Variants in GNG7 observed in about 807,000 individuals in gnomAD.
GNG7 encodes guanine nucleotide-binding protein G(I)/G(S)/G(O) subunit gamma-7.
In GNG7, 1 loss-of-function variant was observed where a neutral mutation model predicts 4.0. The ratio of observed to expected loss-of-function variants is 0.25; its 90% confidence interval spans 0.09 to 1.18. GNG7 has a LOEUF of 1.18. GNG7 is among the 50% of genes most tolerant of loss of function. The pLI, the probability that GNG7 is intolerant of heterozygous loss-of-function variation, is 0.50. For synonymous variants in GNG7, 34 were observed against 36.9 expected, an observed-to-expected ratio of 0.92 and a Z score of 0.29; for missense variants, 86 against 91.9, an observed-to-expected ratio of 0.94 and a Z score of 0.26.
At chr19:2,650,060 T>C (rs2144864819) in intron 1 of GNG7, among the ~76,000 whole-genome samples, 1 of 152,336 alleles carries the variant, frequency 6.6e-6, no homozygotes, top group South Asian at 2.1e-4. Flanking sequence ...GGCTGAGTCT[T>C]ACTCCTCCTG....
chr19:2,568,371 A>C (rs566711333), intron 2 of GNG7, among the ~76,000 whole-genome samples: 1 of 150,942 alleles, frequency 6.6e-6, no homozygotes, highest in Non-Finnish European at 1.5e-5. Flanking sequence ...ACATACACAC[A>C]TATAGACACA....
intron 1 of GNG7, among the ~76,000 whole-genome samples, chr19:2,670,477 C>A (rs546725868): frequency 9.9e-5 from 15 of 152,252 alleles, no homozygotes; most frequent in Non-Finnish European, 1.8e-4. Flanking sequence ...GCCCTGCAGC[C>A]TCCAGACGGT....
intron 2 of GNG7, chr19:2,642,850 C>T (rs1982545659): frequency 2.2e-6 from 1 of 456,744 alleles, no homozygotes; most frequent in South Asian, 1.5e-5. Context: ...CAGGAAGCAC[C>T]GGGAATGCAT....
At chr19:2,536,192 C>T (rs1041356312) in intron 3 of GNG7, among the ~76,000 whole-genome samples, 4 of 151,756 alleles carry the variant, frequency 2.6e-5, no homozygotes, top group South Asian at 2.1e-4. Flanking sequence ...CCGAGGTGGG[C>T]GGATCACGAG....
At chr19:2,620,233 AGGGGAGGGGAGGG>A (rs1981830878) in intron 2 of GNG7, among the ~76,000 whole-genome samples, 2 of 37,768 alleles carry the variant, frequency 5.3e-5, no homozygotes, top group African/African-American at 1.0e-4. Context: ...AGGAGAGGGG[AGGGGAGGGGAGGG>A]GAGGGGAGGG....
intron 2 of GNG7, among the ~76,000 whole-genome samples, chr19:2,571,554 C>G (rs1298354226): frequency 6.8e-6 from 1 of 146,638 alleles, no homozygotes; most frequent in Non-Finnish European, 1.5e-5. Context: ...AAAGAGTTAT[C>G]AGATGTGTGG....
chr19:2,562,119 C>T (rs1263427015), intron 2 of GNG7, among the ~76,000 whole-genome samples: 2 of 152,122 alleles, frequency 1.3e-5, no homozygotes, highest in Non-Finnish European at 2.9e-5. Context: ...GGCAGGCATT[C>T]ACGCCCTCCA....
At chr19:2,657,676 A>G (rs1983032300) in intron 1 of GNG7, among the ~76,000 whole-genome samples, 1 of 151,862 alleles carries the variant, frequency 6.6e-6, no homozygotes, top group Non-Finnish European at 1.5e-5. Context: ...ACATAGCAAG[A>G]CACCATCTTT....
At chr19:2,642,702 C>G (rs1283600409) in intron 2 of GNG7, 1 of 434,760 alleles carries the variant, frequency 2.3e-6, no homozygotes, top group African/African-American at 2.0e-5. Flanking sequence ...CTCTGTTGAC[C>G]AGGCTGATCT....
intron 2 of GNG7, among the ~76,000 whole-genome samples, chr19:2,555,395 C>G (rs1052894591): frequency 6.6e-6 from 1 of 152,198 alleles, no homozygotes; most frequent in Non-Finnish European, 1.5e-5. Flanking sequence ...GCGGAGAAGA[C>G]CTGGATGCTT....
At chr19:2,690,733 A>C (rs1913117440) in intron 1 of GNG7, among the ~76,000 whole-genome samples, 1 of 152,116 alleles carries the variant, frequency 6.6e-6, no homozygotes, top group Non-Finnish European at 1.5e-5. Flanking sequence ...ATCTGGGGTT[A>C]CAGGCACGCA....
At chr19:2,536,946 AT>A (rs930326594) in intron 3 of GNG7, among the ~76,000 whole-genome samples, 1 of 144,572 alleles carries the variant, frequency 6.9e-6, no homozygotes, top group African/African-American at 2.6e-5. Flanking sequence ...TTTTATTTTT[AT>A]TTTTATTTTT....
intron 2 of GNG7, among the ~76,000 whole-genome samples, chr19:2,586,958 C>G (rs2144797117): frequency 7.3e-6 from 1 of 137,700 alleles, no homozygotes; most frequent in East Asian, 2.1e-4. Context: ...GCACTCCAGC[C>G]TGGGTGACAG....
intron 1 of GNG7, among the ~76,000 whole-genome samples, chr19:2,687,412 T>C (rs1983899144): frequency 6.7e-6 from 1 of 149,638 alleles, no homozygotes; most frequent in African/African-American, 2.5e-5. Flanking sequence ...AGGTCAGGAG[T>C]TCGAGACCAG....
intron 2 of GNG7, among the ~76,000 whole-genome samples, chr19:2,562,780 G>A (rs1468491441): frequency 6.6e-6 from 1 of 152,140 alleles, no homozygotes; most frequent in Admixed American, 6.6e-5. Context: ...CTGCCCTGCT[G>A]AGTTCCCAGA....
intron 2 of GNG7, among the ~76,000 whole-genome samples, chr19:2,623,895 A>G (rs1438971528): frequency 6.6e-6 from 1 of 152,032 alleles, no homozygotes; most frequent in Admixed American, 6.5e-5. Context: ...AAAAGGACAA[A>G]TCTTGTGTGA....
chr19:2,682,450 G>A (rs904879731), intron 1 of GNG7, among the ~76,000 whole-genome samples: 44 of 151,490 alleles, frequency 2.9e-4, no homozygotes, highest in Admixed American at 2.9e-3. Flanking sequence ...GGATCACGAG[G>A]TCAGGAGTTC....
rs1171670334 is a variant in GNG7, at chr19:2,545,485, T to TA, written c.-38+9663dup. On this transcript the variant is annotated intron_variant, in intron 3 of 4. Coordinates refer to ENST00000382159, the MANE Select transcript of GNG7 (RefSeq NM_052847.3). ...CAACATAGTGAAACCCCATCTCTACTAAAAAAAAAATCAAAATTAGCTGGG... is the reference window on the plus strand; with the variant it reads ...CAACATAGTGAAACCCCATCTCTACTAAAAAAAAAAATCAAAATTAGCTGGG... Among the ~76,000 whole-genome samples, 445 of 146,264 alleles carry TA rather than the reference T, an allele frequency of 3.0e-3. 1 individual carries two copies. The highest frequency in any genetic ancestry group is 5.5e-3 in the Admixed American group (81 of 14,666).
At chr19:2,564,226 T>C (rs1979833328) in intron 2 of GNG7, among the ~76,000 whole-genome samples, 1 of 152,182 alleles carries the variant, frequency 6.6e-6, no homozygotes, top group Non-Finnish European at 1.5e-5. Flanking sequence ...GATCTTGGGA[T>C]GAAATCATCA....
Sources: allele counts gnomAD v4.1 joint callset (sites outside exome capture counted in the v4.1 genomes callset), GRCh38; gene constraint gnomAD v4.1.1; transcripts MANE v1.5; gene names NCBI Gene and HGNC (gene_info 2026-07-23, HGNC 2026-07-21).